ARHGEF12: variants seen among roughly 807,000 people sequenced by gnomAD.
ARHGEF12 encodes KMT2A/ARHGEF12 fusion protein.
ARHGEF12 carries 66 observed loss-of-function variants against 211.2 expected under a neutral mutation model. The ratio of observed to expected loss-of-function variants is 0.31; its 90% CI spans 0.26 to 0.38. The LOEUF (loss-of-function observed/expected upper bound fraction) is 0.38, where lower values mean the gene tolerates loss of function less well. ARHGEF12 is among the 10% of genes least tolerant of loss of function. The probability of loss-of-function intolerance (pLI) is 1.00; values close to 1 mark genes in which losing one functional copy is unlikely to be tolerated. For missense variants in ARHGEF12, 1,429 were observed against 1,869.5 expected (o/e 0.76, Z 4.34); for synonymous variants, 592 against 638.4 (o/e 0.93, Z 1.09).
chr11:120,412,630 A>G (rs1430237546), intron 4 of ARHGEF12, among the ~76,000 whole-genome samples: 4 of 151,940 alleles, frequency 2.6e-5, no homozygotes, highest in Non-Finnish European at 4.4e-5. Context: ...CTCCTGTTTT[A>G]TACATGTAGG....
Position 120,390,852 on chromosome 11 carries a change from A to G in ARHGEF12, c.33-15266A>G, listed in dbSNP as rs142150923. Among the ~76,000 whole-genome samples, 1,042 of 152,266 alleles carry G rather than the reference A, an allele frequency of 6.8e-3. 16 individuals are homozygous for G. Among genetic ancestry groups the G allele is most frequent in the African/African-American group, 0.024 (981 of 41,554 alleles). ...TTATATAACTTGTATATGTTACTTAACTTCTCAGAACCTCACATTTCTCTT... is the reference window on the plus strand; with the variant it reads ...TTATATAACTTGTATATGTTACTTAGCTTCTCAGAACCTCACATTTCTCTT... On this transcript the variant is annotated intron_variant, in intron 1 of 40. Transcript: ENST00000397843.
At chr11:120,437,422 C>CCTG in intron 12 of ARHGEF12, 40 bp downstream of exon 12, 1 of 1,507,820 alleles carries the variant, frequency 6.6e-7, no homozygotes, top group Admixed American at 1.8e-5. Flanking sequence ...CTGTCTTTGG[C>CCTG]TTTCCTTATA....
At chr11:120,389,073 G>A (rs1944129891) in intron 1 of ARHGEF12, among the ~76,000 whole-genome samples, 1 of 151,926 alleles carries the variant, frequency 6.6e-6, no homozygotes, top group South Asian at 2.1e-4. Flanking sequence ...GTTTCATCAT[G>A]TTAGCCAGGC....
At chr11:120,431,338 A>G (rs1945526232) in intron 10 of ARHGEF12, among the ~76,000 whole-genome samples, 1 of 152,138 alleles carries the variant, frequency 6.6e-6, no homozygotes, top group African/African-American at 2.4e-5. Flanking sequence ...AATGCTTATA[A>G]TAATTTATGT....
chr11:120,446,139 A>G (rs1946039196), intron 16 of ARHGEF12, among the ~76,000 whole-genome samples: 1 of 151,358 alleles, frequency 6.6e-6, no homozygotes, highest in Admixed American at 6.6e-5. Flanking sequence ...TGGAGCTTGC[A>G]GTGAGCTGAG....
intron 1 of ARHGEF12, among the ~76,000 whole-genome samples, chr11:120,341,040 C>G (rs1942519425): frequency 6.6e-6 from 1 of 152,134 alleles, no homozygotes; most frequent in African/African-American, 2.4e-5. Context: ...CGGTTGTTAA[C>G]ATGTATATAC....
chr11:120,470,068 G>A (rs1471115898), intron 30 of ARHGEF12, among the ~76,000 whole-genome samples: 1 of 152,048 alleles, frequency 6.6e-6, no homozygotes, highest in Non-Finnish European at 1.5e-5. Context: ...AAGTCAGAGT[G>A]GCATAAAATG....
intron 4 of ARHGEF12, among the ~76,000 whole-genome samples, chr11:120,419,415 TCTTC>T (rs1945119186): frequency 6.6e-6 from 1 of 151,726 alleles, no homozygotes; most frequent in African/African-American, 2.4e-5. Flanking sequence ...TTTCTTTCTT[TCTTC>T]CTTTTTTGTT....
chr11:120,424,386 A>G lies in ARHGEF12; in HGVS notation c.377A>G (p.Asn126Ser), dbSNP rs1379343183. Residue 126 changes from asparagine to serine, a missense_variant, in exon 7 of 41, where the codon AAT becomes AGT. Asn to Ser is a conservative substitution (Grantham distance 46). Coordinates refer to ENST00000397843, the MANE Select transcript of ARHGEF12 (RefSeq NM_015313.3). ...AATGGAACTCTGGTGACTCATTCAA[A>G]TCATCTGGAGGTGGTGAAGCTAATC... ...KVNGTLVTHS[N>S]HLEVVKLIKS... 6.2e-7 allele frequency: 1 copy of G among 1,613,550 alleles called. No homozygotes were observed. The highest frequency in any genetic ancestry group is 8.5e-7 in the Non-Finnish European group (1 of 1,179,728).
rs757574739 is a variant in ARHGEF12, at chr11:120,486,305, G to A, written c.*1228G>A. The A allele has an allele frequency of 4.7e-5, 11 of 233,352 alleles. No homozygotes were observed. Among genetic ancestry groups the A allele is most frequent in the Non-Finnish European group, 6.8e-5 (8 of 117,842 alleles). The allele number at this position is 233,352 out of a possible 1,614,324, so 14.5% of individuals were successfully genotyped here. A position where few individuals can be genotyped will look rare whatever the true frequency, so the allele number is the denominator to read the frequency against. On this transcript the variant is annotated 3_prime_UTR_variant, in exon 41 of 41. Transcript: ENST00000397843. ...AGTGGAAAAAGATATGGTGAAGGCAGAACTGCTCACACCAGCTCCAGAAGC... is the reference window on the plus strand; with the variant it reads ...AGTGGAAAAAGATATGGTGAAGGCAAAACTGCTCACACCAGCTCCAGAAGC...
chr11:120,386,482 T>C (rs1944032884), intron 1 of ARHGEF12, among the ~76,000 whole-genome samples: 1 of 152,148 alleles, frequency 6.6e-6, no homozygotes, highest in South Asian at 2.1e-4. Flanking sequence ...CATGGTGATA[T>C]GAGTTATCAT....
At chr11:120,376,381 G>T (rs1320380815) in intron 1 of ARHGEF12, among the ~76,000 whole-genome samples, 2 of 152,126 alleles carry the variant, frequency 1.3e-5, no homozygotes, top group African/African-American at 2.4e-5. Flanking sequence ...CGTATTTTAA[G>T]TAGGAAGTTA....
chr11:120,351,779 C>A (rs1199265072), intron 1 of ARHGEF12, among the ~76,000 whole-genome samples: 1 of 152,014 alleles, frequency 6.6e-6, no homozygotes, highest in Non-Finnish European at 1.5e-5. Flanking sequence ...CCGGATGTTA[C>A]ATTTATTGAG....
chr11:120,425,668 A>ATC (rs1945322998), intron 7 of ARHGEF12, among the ~76,000 whole-genome samples: 1 of 151,932 alleles, frequency 6.6e-6, no homozygotes. Context: ...AGAAGTAAAG[A>ATC]AAGTCACATG....
At chr11:120,474,863 TCA>T (rs1437024816) in intron 32 of ARHGEF12, among the ~76,000 whole-genome samples, 7 of 152,246 alleles carry the variant, frequency 4.6e-5, no homozygotes, top group African/African-American at 1.7e-4. Flanking sequence ...CCTATTTCCA[TCA>T]TTCTTATAGT....
rs759572512 is a variant in ARHGEF12 at position 120,428,148 on chromosome 11, G to A, written c.486G>A (p.Glu162=). ...TTCCACTTGCCGACTCTGAAGTAGA[G>A]CCGTCAGTCATTGGACATATGTCTC... ...PQIPLADSEV[E]PSVIGHMSPI... is the part of the protein sequence containing the mutation. Residue 162 remains glutamate, a synonymous_variant, in exon 8 of 41, where the codon GAG becomes GAA. Transcript: ENST00000397843. 7 of 1,611,318 alleles carry A rather than the reference G, an allele frequency of 4.3e-6. No homozygotes were observed. Among genetic ancestry groups the A allele is most frequent in the Middle Eastern group, 3.3e-4 (2 of 6,034 alleles).
intron 38 of ARHGEF12, 110 bp from the exon 39 acceptor site, chr11:120,481,150 C>T (rs1201414153): frequency 4.2e-6 from 4 of 947,814 alleles, no homozygotes; most frequent in Admixed American, 4.9e-5. Flanking sequence ...GAATTAATGG[C>T]TTTTCCCTCT....
chr11:120,342,955 T>C (rs1245564325), intron 1 of ARHGEF12, among the ~76,000 whole-genome samples: 1 of 152,242 alleles, frequency 6.6e-6, no homozygotes, highest in African/African-American at 2.4e-5. Flanking sequence ...CAGTTCGTTA[T>C]CTTAAATTGT....
chr11:120,448,304 T>A lies in ARHGEF12; in HGVS notation c.1693T>A (p.Leu565Met). The A allele has an allele frequency of 6.2e-7, 1 of 1,614,110 alleles. No homozygotes were observed. Among genetic ancestry groups the A allele is most frequent in the Non-Finnish European group, 8.5e-7 (1 of 1,179,986 alleles). Residue 565 changes from leucine to methionine, a missense_variant, in exon 20 of 41, where the codon TTG (leucine) becomes ATG (methionine). Coordinates refer to ENST00000397843, the MANE Select transcript of ARHGEF12 (RefSeq NM_015313.3). ...LGVKVKEPRNLEHKRGRIGFL... is the reference protein window; with the variant it reads ...LGVKVKEPRNMEHKRGRIGFL... ...AGTAAAAGTGAAAGAGCCTCGAAATTTGGAGCACAAACGGGGTCGGATTGG... is the reference window on the plus strand; with the variant it reads ...AGTAAAAGTGAAAGAGCCTCGAAATATGGAGCACAAACGGGGTCGGATTGG...
Sources: allele counts gnomAD v4.1 joint callset (sites outside exome capture counted in the v4.1 genomes callset), GRCh38; gene constraint gnomAD v4.1.1; transcripts MANE v1.5; gene names NCBI Gene and HGNC (gene_info 2026-07-23, HGNC 2026-07-21).